TKT: variants seen among roughly 807,000 people sequenced by gnomAD.
The protein encoded by TKT is transketolase.
TKT carries 47 observed loss-of-function variants against 63.9 expected under a neutral mutation model. That is an observed-to-expected ratio of 0.74 (90% CI 0.58 to 0.94). The LOEUF (loss-of-function observed/expected upper bound fraction) is 0.94, where lower values mean the gene tolerates loss of function less well. Ranked by LOEUF, TKT falls within the 40% of genes least tolerant of loss-of-function variation. The pLI is 0.00. For missense variants in TKT, 721 were observed against 846.2 expected (o/e 0.85, Z 1.84); for synonymous variants, 338 against 334.1 (o/e 1.01, Z -0.13).
chr3:53,239,109 C>T (rs1705159710), intron 4 of TKT, among the ~76,000 whole-genome samples: 1 of 152,048 alleles, frequency 6.6e-6, no homozygotes, highest in African/African-American at 2.4e-5. Context: ...CGGGAGTTTC[C>T]CTGCACAAAC....
At chr3:53,230,733 C>G (rs1704717796) in intron 7 of TKT, 112 bp from the exon 8 acceptor site, 3 of 1,322,030 alleles carry the variant, frequency 2.3e-6, no homozygotes, top group Non-Finnish European at 3.1e-6. Context: ...AATGGAAGCC[C>G]TGGAGCACAA....
Position 53,230,558 on chromosome 3 carries a change from T to G in TKT, c.1006A>C (p.Ile336Leu). 6.2e-7 allele frequency: 1 copy of G among 1,614,236 alleles called. No homozygotes were observed. Among genetic ancestry groups the G allele is most frequent in the Non-Finnish European group, 8.5e-7 (1 of 1,180,040 alleles). Reference sequence around the variant, plus strand: ...TTTTTGGTGTCCCCATCCAGGGCGATGATGCGGTCACTGGCATGGCCCAGC... The same window carrying G: ...TTTTTGGTGTCCCCATCCAGGGCGAGGATGCGGTCACTGGCATGGCCCAGC... The part of the protein sequence containing the change: ...AKLGHASDRI[I>L]ALDGDTKNST... Residue 336 changes from isoleucine (I) to leucine (L), a missense_variant, in exon 8 of 14, where the codon ATC becomes CTC. By Grantham distance (5) the Ile-to-Leu change is conservative. Coordinates refer to ENST00000462138, the MANE Select transcript of TKT (RefSeq NM_001064.4).
At position 53,229,459 on chromosome 3, in the gene TKT, C is replaced by T. The variant is rs548065990; in HGVS notation, c.1108-23G>A. The stretch of plus-strand genomic sequence containing the variant: ...CACCTGGGGGCAGGTGGGACAGGGT[C>T]AGCCCAAAGGGGCAGGCAGAGGGTG... On this transcript the variant is annotated intron_variant, in intron 8 of 13. Transcript: ENST00000462138. The T allele has an allele frequency of 1.8e-5, 28 of 1,590,870 alleles. 1 individual carries two copies. In the South Asian group the frequency reaches 2.9e-4, roughly 17 times the overall value.
chr3:53,233,603 C>T (rs928314701), intron 5 of TKT: 16 of 209,384 alleles, frequency 7.6e-5, no homozygotes, highest in African/African-American at 3.2e-4. Flanking sequence ...CTGGGGTCAG[C>T]GCACTGGGTT....
chr3:53,244,295 C>T (rs1553680511), intron 1 of TKT, among the ~76,000 whole-genome samples: 2 of 152,194 alleles, frequency 1.3e-5, no homozygotes, highest in Non-Finnish European at 2.9e-5. Flanking sequence ...GGCTCTCCCT[C>T]GGCAGAGCAT....
At chr3:53,227,092 G>T in intron 12 of TKT, 1 of 563,016 alleles carries the variant, frequency 1.8e-6, no homozygotes, top group Admixed American at 3.5e-5. Context: ...GTCCAGCTGT[G>T]TTGCCCGCAG....
chr3:53,255,781 G>C (rs1316213357), intron 1 of TKT, 55 bp downstream of exon 1: 17 of 1,222,464 alleles, frequency 1.4e-5, no homozygotes, highest in Admixed American at 4.2e-5. Context: ...TCTGGCCGCC[G>C]CAGACGCCCC....
Position 53,240,347 on chromosome 3 carries a change from T to C in TKT, c.341A>G (p.Lys114Arg), listed in dbSNP as rs782109553. The change falls in exon 4 of 14, where the codon AAA becomes AGA. Residue 114 changes from lysine (K) to arginine (R), a missense_variant and splice_region_variant. Physicochemically the swap from Lys to Arg is conservative, Grantham distance 26. Coordinates refer to ENST00000462138, the MANE Select transcript of TKT (RefSeq NM_001064.4). ...AGTGGCCACGTCGGTGAAAGCTTGT[T>C]TCTGTCATAACAGAAGGCCACCGTT... ...SSDLDGHPVP[K>R]QAFTDVATGS... is the part of the protein sequence containing the mutation. The C allele has an allele frequency of 6.2e-7, 1 of 1,611,650 alleles. No homozygotes were observed. The highest frequency in any genetic ancestry group is 1.3e-5 in the African/African-American group (1 of 75,010).
rs77996745 is a variant in TKT at position 53,232,831 on chromosome 3, G to A, written c.748+325C>T. On this transcript the variant is annotated intron_variant, in intron 6 of 13. Coordinates refer to ENST00000462138, the MANE Select transcript of TKT (RefSeq NM_001064.4). ...GGCCGGAGCTGGCAGAGCACACACA[G>A]CTGCAGCTCTGAAAGGCACCAGCCA... The A allele has an allele frequency of 9.8e-4, 407 of 414,368 alleles. 3 individuals carry two copies. In the East Asian group the frequency reaches 0.014, roughly 14 times the overall value. The allele number at this position is 414,368 out of a possible 1,614,324, so 25.7% of individuals were successfully genotyped here.
chr3:53,226,720 T>G (rs1346515318), intron 13 of TKT, 36 bp downstream of exon 13: 1 of 1,613,752 alleles, frequency 6.2e-7, no homozygotes, highest in East Asian at 2.2e-5. Flanking sequence ...TCTGGCCCTG[T>G]CCCTTGCCCA....
At chr3:53,231,611 G>A in intron 6 of TKT, 61 bp from the exon 7 acceptor site, 1 of 1,536,920 alleles carries the variant, frequency 6.5e-7, no homozygotes, top group South Asian at 1.2e-5. Flanking sequence ...AGAGGGCCAG[G>A]AGGCTGCTCC....
intron 4 of TKT, chr3:53,237,658 C>T (rs1705095563): frequency 6.6e-6 from 1 of 152,294 alleles, no homozygotes; most frequent in African/African-American, 2.4e-5. Flanking sequence ...TGCAGTGGCT[C>T]ATGCCTGTAA....
At chr3:53,240,229 G>T (rs577059496) in intron 4 of TKT, 22 bp downstream of exon 4, 2 of 1,603,320 alleles carry the variant, frequency 1.2e-6, no homozygotes, top group Non-Finnish European at 1.7e-6. Flanking sequence ...CCCAGGTTGG[G>T]GGTGGGGAGT....
intron 4 of TKT, among the ~76,000 whole-genome samples, chr3:53,239,135 G>A (rs987503366): frequency 7.2e-5 from 11 of 151,988 alleles, no homozygotes; most frequent in Admixed American, 6.6e-5. Flanking sequence ...CTTTGCCTGC[G>A]CCTTCCACAT....
intron 7 of TKT, among the ~76,000 whole-genome samples, chr3:53,230,899 G>A (rs1212342982): frequency 6.6e-6 from 1 of 152,234 alleles, no homozygotes; most frequent in Non-Finnish European, 1.5e-5. Context: ...CCAGGTCCAT[G>A]AACCTATTCC....
At chr3:53,248,127 A>G (rs1161620493) in intron 1 of TKT, among the ~76,000 whole-genome samples, 4 of 152,370 alleles carry the variant, frequency 2.6e-5, no homozygotes, top group Non-Finnish European at 5.9e-5. Context: ...GTGTATGTAC[A>G]GAACGTGGCA....
intron 4 of TKT, among the ~76,000 whole-genome samples, chr3:53,238,140 C>T (rs1309421783): frequency 5.3e-5 from 8 of 152,076 alleles, no homozygotes; most frequent in Non-Finnish European, 1.0e-4. Flanking sequence ...AACCCTGGCC[C>T]CAAGCCACCC....
intron 4 of TKT, chr3:53,237,973 C>T (rs782150786): frequency 4.6e-5 from 7 of 152,132 alleles, no homozygotes; most frequent in South Asian, 2.1e-4. Flanking sequence ...TTCTTAATAT[C>T]ATTCTGTACT....
intron 1 of TKT, among the ~76,000 whole-genome samples, chr3:53,253,041 A>T (rs782357990): frequency 3.3e-5 from 5 of 151,994 alleles, no homozygotes; most frequent in Non-Finnish European, 7.4e-5. Flanking sequence ...GGGTTTCACC[A>T]TGTTGGCCAA....
Sources: allele counts gnomAD v4.1 joint callset (sites outside exome capture counted in the v4.1 genomes callset), GRCh38; gene constraint gnomAD v4.1.1; transcripts MANE v1.5; gene names NCBI Gene and HGNC (gene_info 2026-07-23, HGNC 2026-07-21).